Variants in ADAMTSL1 observed in about 807,000 individuals in gnomAD.
The protein encoded by ADAMTSL1 is ADAMTS-like protein 1.
ADAMTSL1 carries 126 observed loss-of-function variants against 201.8 expected under a neutral mutation model. The ratio of observed to expected loss-of-function variants is 0.62; its 90% confidence interval spans 0.54 to 0.72. ADAMTSL1 has a LOEUF of 0.72. Ranked by LOEUF, ADAMTSL1 falls within the 30% of genes least tolerant of loss-of-function variation. The pLI is 0.00. For synonymous variants in ADAMTSL1, 1,121 were observed against 903.4 expected, an observed-to-expected ratio of 1.24 and a Z score of -4.32; for missense variants, 2,679 against 2,277.8, an observed-to-expected ratio of 1.18 and a Z score of -3.59.
intron 5 of ADAMTSL1, among the ~76,000 whole-genome samples, chr9:18,632,597 G>A (rs1025321099): frequency 3.9e-5 from 6 of 152,078 alleles, no homozygotes; most frequent in African/African-American, 9.7e-5. Flanking sequence ...GGACCATCTC[G>A]TGGGGCTAGT....
intron 23 of ADAMTSL1, among the ~76,000 whole-genome samples, chr9:18,872,081 T>G (rs1428860604): frequency 6.6e-6 from 1 of 152,190 alleles, no homozygotes; most frequent in Non-Finnish European, 1.5e-5. Context: ...CACCTTTGCT[T>G]ACACTGCTTC....
At chr9:17,979,325 A>G (rs1235437791) in intron 1 of ADAMTSL1, among the ~76,000 whole-genome samples, 1 of 151,870 alleles carries the variant, frequency 6.6e-6, no homozygotes, top group Admixed American at 6.6e-5. Flanking sequence ...TTTTGATGGT[A>G]CCTTATAAAT....
chr9:18,879,429 T>G (rs1828386615), intron 23 of ADAMTSL1, among the ~76,000 whole-genome samples: 1 of 152,174 alleles, frequency 6.6e-6, no homozygotes, highest in African/African-American at 2.4e-5. Context: ...CTTGATAAGT[T>G]TCAGAGGCTT....
intron 3 of ADAMTSL1, among the ~76,000 whole-genome samples, chr9:18,560,758 A>T (rs1010012071): frequency 2.0e-5 from 3 of 151,898 alleles, no homozygotes; most frequent in South Asian, 2.1e-4. Context: ...CCAGAAATTT[A>T]TCCCTTTCTT....
At chr9:18,583,161 T>C (rs1038357128) in intron 4 of ADAMTSL1, among the ~76,000 whole-genome samples, 2 of 152,198 alleles carry the variant, frequency 1.3e-5, no homozygotes, top group Non-Finnish European at 2.9e-5. Flanking sequence ...GAAGCAACTT[T>C]GGAACTGGGT....
chr9:18,565,260 G>T (rs377422345), intron 3 of ADAMTSL1, among the ~76,000 whole-genome samples: 1 of 152,096 alleles, frequency 6.6e-6, no homozygotes, highest in African/African-American at 2.4e-5. Context: ...ACATAGTAGG[G>T]CACACCCAAA....
rs1428504936 is a variant in ADAMTSL1, at chr9:18,178,885, A to G, written c.207+14904A>G. Among the ~76,000 whole-genome samples, 6 of 150,982 alleles carry G rather than the reference A, an allele frequency of 4.0e-5. 1 individual carries two copies. In the South Asian group the frequency reaches 1.3e-3, roughly 32 times the overall value. ...ACCAAAAACCCATTTGTACATCACC[A>G]TCATCAAAGACCAAAAGTAGATAAA... On this transcript the variant is annotated intron_variant, in intron 2 of 29. Transcript: ENST00000680146.
At chr9:18,268,140 T>C (rs541009783) in intron 2 of ADAMTSL1, among the ~76,000 whole-genome samples, 2 of 152,320 alleles carry the variant, frequency 1.3e-5, no homozygotes, top group Admixed American at 6.5e-5. Flanking sequence ...AATATTATGC[T>C]ATATGTTTAG....
At chr9:18,892,798 A>C (rs1353151540) in intron 26 of ADAMTSL1, among the ~76,000 whole-genome samples, 1 of 152,136 alleles carries the variant, frequency 6.6e-6, no homozygotes, top group African/African-American at 2.4e-5. Context: ...CTATGAACCA[A>C]TGTGATTGAA....
chr9:18,219,343 TTTTA>T (rs57023892), intron 2 of ADAMTSL1, among the ~76,000 whole-genome samples: 46,649 of 145,246 alleles, frequency 0.32, 7,583 homozygotes, highest in East Asian at 0.42. Context: ...TACATTTTAT[TTTTA>T]TTTATTTATT....
intron 9 of ADAMTSL1, among the ~76,000 whole-genome samples, chr9:18,674,250 C>A (rs1303210803): frequency 6.6e-6 from 1 of 151,540 alleles, no homozygotes; most frequent in Non-Finnish European, 1.5e-5. Context: ...AATTTTCTCA[C>A]ACAAATGAAT....
At chr9:18,637,204 A>G (rs1827159372) in intron 6 of ADAMTSL1, among the ~76,000 whole-genome samples, 1 of 152,168 alleles carries the variant, frequency 6.6e-6, no homozygotes, top group Non-Finnish European at 1.5e-5. Context: ...TCTAATCCTG[A>G]ACAACCCTGT....
intron 23 of ADAMTSL1, among the ~76,000 whole-genome samples, chr9:18,884,969 C>T (rs1011288868): frequency 6.6e-6 from 1 of 152,158 alleles, no homozygotes; most frequent in African/African-American, 2.4e-5. Context: ...CTGTAGATCA[C>T]TATGAGTAGT....
chr9:18,297,581 C>A (rs768996888), intron 2 of ADAMTSL1, among the ~76,000 whole-genome samples: 10 of 152,138 alleles, frequency 6.6e-5, no homozygotes, highest in Non-Finnish European at 1.3e-4. Flanking sequence ...AAAAAGGCTC[C>A]GTAAAAGGTC....
intron 3 of ADAMTSL1, among the ~76,000 whole-genome samples, chr9:18,553,210 C>CTTTT (rs35874115): frequency 5.2e-4 from 70 of 135,760 alleles, no homozygotes; most frequent in East Asian, 1.3e-3. Flanking sequence ...TAGTCCCAGT[C>CTTTT]TTTTTTTTTT....
chr9:18,347,835 G>A (rs1433441621), intron 2 of ADAMTSL1, among the ~76,000 whole-genome samples: 1 of 151,964 alleles, frequency 6.6e-6, no homozygotes, highest in Non-Finnish European at 1.5e-5. Flanking sequence ...GTTGAATGCG[G>A]CATCAAAGGT....
At chr9:18,783,202 C>A (rs147766093) in intron 19 of ADAMTSL1, among the ~76,000 whole-genome samples, 4 of 152,294 alleles carry the variant, frequency 2.6e-5, no homozygotes, top group African/African-American at 9.6e-5. Context: ...TTCTCTCCAG[C>A]AACTAAGAAA....
chr9:18,356,083 A>C (rs1836209534), intron 2 of ADAMTSL1, among the ~76,000 whole-genome samples: 1 of 152,180 alleles, frequency 6.6e-6, no homozygotes, highest in African/African-American at 2.4e-5. Flanking sequence ...ACAATCTAAG[A>C]GTGAGCAAGG....
chr9:18,874,209 T>C lies in ADAMTSL1; in HGVS notation c.4250-13622T>C, dbSNP rs540630059. On this transcript the variant is annotated intron_variant, in intron 23 of 28. Coordinates refer to ENST00000380548, the MANE Select transcript of ADAMTSL1 (RefSeq NM_001040272.6). The stretch of plus-strand genomic sequence containing the variant: ...GCTTTTTGGAAGAGTCTTTAGGGCT[T>C]TCTAGGTATATGATTATATCATTGG... 3.9e-5 allele frequency among the ~76,000 whole-genome samples: 6 copies of C among 152,224 alleles called. No homozygotes were observed. The East Asian group carries it at 1.2e-3, about 29-fold the overall frequency.
Sources: gnomAD v4.1 joint callset for allele counts (sites outside exome capture counted in the v4.1 genomes callset) on GRCh38, gnomAD v4.1.1 for gene constraint, MANE v1.5 for transcripts, NCBI Gene and HGNC (gene_info 2026-07-23, HGNC 2026-07-21) for gene names.